TGFBR2: variants seen among roughly 807,000 people sequenced by gnomAD.
The protein encoded by TGFBR2 is transforming growth factor beta receptor 2.
Under a neutral mutation model 49.0 loss-of-function variants are expected in TGFBR2, and 18 were observed. That is an observed-to-expected ratio of 0.37 (90% CI 0.25 to 0.54). The LOEUF (loss-of-function observed/expected upper bound fraction) is 0.54. Among genes scored for constraint, TGFBR2 ranks in the 20% least tolerant of loss-of-function variants. The pLI is 0.85. For synonymous variants in TGFBR2, 282 were observed against 275.9 expected, an observed-to-expected ratio of 1.02 and a Z score of -0.22; for missense variants, 525 against 722.6, an observed-to-expected ratio of 0.73 and a Z score of 3.13.
In TGFBR2 at chr3:30,672,298, A is replaced by G. The variant is rs1699357617; in HGVS notation, c.1115A>G (p.Lys372Arg). 3 of 1,607,512 alleles carry G rather than the reference A, an allele frequency of 1.9e-6. No homozygotes were observed. Among genetic ancestry groups the G allele is most frequent in the African/African-American group, 1.3e-5 (1 of 74,862 alleles). Residue 372 changes from lysine to arginine, a missense_variant, in exon 4 of 7, where the codon AAG (lysine) becomes AGG (arginine). Physicochemically the swap from Lys to Arg is conservative, Grantham distance 26. Transcript: ENST00000295754. This position sits in a 1 kb window ranked among gnomAD's most constrained non-coding sequence, Gnocchi z 4.5. ...HSDHTPCGRP[K>R]MPIVHRDLKS... ...GATCACACTCCATGTGGGAGGCCCAAGATGCCCATCGTGCACAGGGACCTC... is the reference window on the plus strand; with the variant it reads ...GATCACACTCCATGTGGGAGGCCCAGGATGCCCATCGTGCACAGGGACCTC...
chr3:30,606,746 A>C lies in TGFBR2; in HGVS notation c.-138A>C. On this transcript the variant is annotated 5_prime_UTR_variant, in exon 1 of 7. Transcript: ENST00000295754. ...CCCTCCTGGCTGGCGAGCGGGCGCCACATCTGGCCCGCACATCTGCGCTGC... is the reference window on the plus strand; with the variant it reads ...CCCTCCTGGCTGGCGAGCGGGCGCCCCATCTGGCCCGCACATCTGCGCTGC... 1.8e-6 allele frequency: 1 copy of C among 566,852 alleles called. No homozygotes were observed. The highest frequency in any genetic ancestry group is 2.7e-6 in the Non-Finnish European group (1 of 374,688). 35.1% of individuals were successfully genotyped at this position (566,852 alleles called of 1,614,324 possible). A position where few individuals can be genotyped will look rare whatever the true frequency, so the allele number is the denominator to read the frequency against.
intron 1 of TGFBR2, among the ~76,000 whole-genome samples, chr3:30,625,943 G>A (rs1698324084): frequency 6.6e-6 from 1 of 152,134 alleles, no homozygotes; most frequent in Admixed American, 6.5e-5. Context: ...TGTAGCATAA[G>A]TCCCTTCCTG....
rs151032875 is a variant in TGFBR2, at chr3:30,683,799, T to C, written c.1397-4585T>C. ...GGGAAAAAGTTGGGAGTGTCAAAGGTCTCAGGCCATCAACTTGTTGCCAAT... is the reference window on the plus strand; with the variant it reads ...GGGAAAAAGTTGGGAGTGTCAAAGGCCTCAGGCCATCAACTTGTTGCCAAT... On this transcript the variant is annotated intron_variant, in intron 5 of 6. Coordinates refer to ENST00000295754, the MANE Select transcript of TGFBR2 (RefSeq NM_003242.6). Among the ~76,000 whole-genome samples the C allele has an allele frequency of 2.1e-4, 32 of 152,280 alleles. 2 individuals carry two copies. The East Asian group carries it at 5.8e-3, about 28-fold the overall frequency.
chr3:30,607,336 G>T (rs961869685), intron 1 of TGFBR2, among the ~76,000 whole-genome samples: 3 of 152,176 alleles, frequency 2.0e-5, no homozygotes, highest in African/African-American at 7.2e-5. Flanking sequence ...GCGGCAGCCT[G>T]AGCTGCCAAA....
At position 30,606,776 on chromosome 3, in the gene TGFBR2, C is replaced by A; in HGVS notation, c.-108C>A. 1 of 818,514 alleles carries A rather than the reference C, an allele frequency of 1.2e-6. No individual in the cohort carries two copies. Among genetic ancestry groups the A allele is most frequent in the Non-Finnish European group, 1.7e-6 (1 of 595,880 alleles). 50.7% of individuals were successfully genotyped at this position (818,514 alleles called of 1,614,324 possible). A position where few individuals can be genotyped will look rare whatever the true frequency, so the allele number is the denominator to read the frequency against. The stretch of plus-strand genomic sequence containing the variant: ...TGGCCCGCACATCTGCGCTGCCGGC[C>A]CGGCGCGGGGTCCGGAGAGGGCGCG... On this transcript the variant is annotated 5_prime_UTR_variant, in exon 1 of 7. Transcript: ENST00000295754.
rs1253295288 is a variant in TGFBR2 at position 30,621,466 on chromosome 3, A to G, written c.94+14489A>G. 2.6e-5 allele frequency among the ~76,000 whole-genome samples: 4 copies of G among 151,906 alleles called. No homozygotes were observed. In the East Asian group the frequency reaches 7.7e-4, roughly 29 times the overall value. ...TGGCTAATTTTTGTATTTTTAGTAG[A>G]GACAGGGTTTTGCCATGTTGGCCAT... On this transcript the variant is annotated intron_variant, in intron 1 of 6. Transcript: ENST00000295754.
chr3:30,616,836 G>C (rs1698142838), intron 1 of TGFBR2, among the ~76,000 whole-genome samples: 1 of 152,120 alleles, frequency 6.6e-6, no homozygotes, highest in South Asian at 2.1e-4. Flanking sequence ...GACTACAGGT[G>C]TCTGAGCATA....
At chr3:30,618,453 G>T in intron 1 of TGFBR2, among the ~76,000 whole-genome samples, 1 of 151,300 alleles carries the variant, frequency 6.6e-6, no homozygotes, top group East Asian at 2.0e-4. Flanking sequence ...GGTCAGGCTG[G>T]TCTCAAACTC....
In TGFBR2 at chr3:30,659,682, C is replaced by G. The variant is rs3773639; in HGVS notation, c.454+9222C>G. 1.8e-3 allele frequency among the ~76,000 whole-genome samples: 265 copies of G among 151,088 alleles called. 6 individuals carry two copies. The East Asian group carries it at 0.045, about 26-fold the overall frequency. ...GTATGGACACAGGCTGTCTCAAATTCCATCCACTGGATATGAGTGGCCAAG... is the reference window on the plus strand; with the variant it reads ...GTATGGACACAGGCTGTCTCAAATTGCATCCACTGGATATGAGTGGCCAAG... On this transcript the variant is annotated intron_variant, in intron 3 of 6. Transcript: ENST00000295754.
At chr3:30,652,504 A>C (rs1160522863) in intron 3 of TGFBR2, among the ~76,000 whole-genome samples, 1 of 151,974 alleles carries the variant, frequency 6.6e-6, no homozygotes, top group Non-Finnish European at 1.5e-5. Flanking sequence ...AAAGTGCTAG[A>C]ATTACAGGCA....
At chr3:30,650,028 G>A (rs1257218114) in intron 2 of TGFBR2, among the ~76,000 whole-genome samples, 3 of 152,106 alleles carry the variant, frequency 2.0e-5, no homozygotes, top group African/African-American at 7.2e-5. Context: ...TCCAGGTGAT[G>A]TTTATAATCA....
chr3:30,690,837 C>T (rs889209690), intron 6 of TGFBR2, among the ~76,000 whole-genome samples: 3 of 152,130 alleles, frequency 2.0e-5, no homozygotes, highest in Admixed American at 2.0e-4. Context: ...GTCAAAACCC[C>T]TGGAATATAC....
chr3:30,688,106 T>C (rs1200580138), intron 5 of TGFBR2, among the ~76,000 whole-genome samples: 2 of 152,226 alleles, frequency 1.3e-5, no homozygotes, highest in African/African-American at 4.8e-5. Context: ...CTAAGCTCCG[T>C]GACCCTCTCT....
chr3:30,689,470 C>A (rs1559472724), intron 6 of TGFBR2, among the ~76,000 whole-genome samples: 1 of 152,154 alleles, frequency 6.6e-6, no homozygotes, highest in African/African-American at 2.4e-5. Flanking sequence ...GTTGGTTTCC[C>A]TAAGGGCAAG....
At chr3:30,626,115 T>C (rs527944168) in intron 1 of TGFBR2, among the ~76,000 whole-genome samples, 38 of 152,304 alleles carry the variant, frequency 2.5e-4, no homozygotes, top group Non-Finnish European at 4.9e-4. Context: ...ATGATTCCGA[T>C]GTGGAACCAT....
At chr3:30,690,592 C>T (rs1699692796) in intron 6 of TGFBR2, among the ~76,000 whole-genome samples, 1 of 152,162 alleles carries the variant, frequency 6.6e-6, no homozygotes, top group Non-Finnish European at 1.5e-5. Context: ...CATGCTAATG[C>T]CTGCATACAA....
intron 1 of TGFBR2, among the ~76,000 whole-genome samples, chr3:30,608,111 G>A (rs1457614801): frequency 1.3e-5 from 2 of 151,744 alleles, no homozygotes; most frequent in Non-Finnish European, 2.9e-5. Context: ...GCTAATTTTT[G>A]TATTTTTAGT....
At chr3:30,620,173 T>G (rs897551694) in intron 1 of TGFBR2, among the ~76,000 whole-genome samples, 2 of 152,008 alleles carry the variant, frequency 1.3e-5, no homozygotes, top group East Asian at 3.9e-4. Flanking sequence ...GGCGACAGAG[T>G]GAGACTCTGT....
At chr3:30,667,849 T>G (rs951388446) in intron 3 of TGFBR2, among the ~76,000 whole-genome samples, 1 of 152,206 alleles carries the variant, frequency 6.6e-6, no homozygotes, top group African/African-American at 2.4e-5. Context: ...GAAAAAAAAT[T>G]GACTACATAT....
Sources: allele counts gnomAD v4.1 joint callset (sites outside exome capture counted in the v4.1 genomes callset), GRCh38; gene constraint gnomAD v4.1.1; non-coding constraint Gnocchi (gnomAD v3.1); transcripts MANE v1.5; gene names NCBI Gene and HGNC (gene_info 2026-07-23, HGNC 2026-07-21).